Variants in RBFOX1 observed in about 807,000 individuals in gnomAD.
RBFOX1 encodes the protein RNA binding protein fox-1 homolog 1.
RBFOX1 carries 8 observed loss-of-function variants against 57.7 expected under a neutral mutation model. That is an observed-to-expected ratio of 0.14 (90% CI 0.08 to 0.25). RBFOX1 has a LOEUF of 0.25. Ranked by LOEUF, RBFOX1 falls within the 10% of genes least tolerant of loss-of-function variation. RBFOX1 has a pLI of 1.00. For missense variants in RBFOX1, 611 were observed against 548.5 expected, an observed-to-expected ratio of 1.11 and a Z score of -1.14; for synonymous variants, 326 against 222.4, an observed-to-expected ratio of 1.47 and a Z score of -4.15.
At chr16:6,898,525 C>G (rs568851932) in intron 3 of RBFOX1, among the ~76,000 whole-genome samples, 1 of 152,262 alleles carries the variant, frequency 6.6e-6, no homozygotes, top group Non-Finnish European at 1.5e-5. Flanking sequence ...AAACAAAGTA[C>G]AGACGCAAAG....
At position 6,465,831 on chromosome 16, in the gene RBFOX1, T is replaced by C. The variant is rs565128949; in HGVS notation, c.-64+148774T>C. ...CTGTTGATTTAGGCTACAGTTTACT[T>C]TAAGTCACTGTTACATCAATGAAAA... On this transcript the variant is annotated intron_variant, in intron 2 of 15. Coordinates refer to ENST00000550418, the MANE Select transcript of RBFOX1 (RefSeq NM_018723.4). Among the ~76,000 whole-genome samples, 9 of 150,778 alleles carry C rather than the reference T, an allele frequency of 6.0e-5. No homozygotes were observed. The South Asian group carries it at 1.7e-3, about 28-fold the overall frequency.
At chr16:6,415,761 T>C (rs2093608003) in intron 2 of RBFOX1, among the ~76,000 whole-genome samples, 1 of 152,116 alleles carries the variant, frequency 6.6e-6, no homozygotes, top group East Asian at 1.9e-4. Context: ...CTCCAATATG[T>C]AACCCCCACA....
At chr16:5,541,546 C>G (rs2044952860) in intron 2 of RBFOX1, among the ~76,000 whole-genome samples, 1 of 152,116 alleles carries the variant, frequency 6.6e-6, no homozygotes, top group Non-Finnish European at 1.5e-5. Context: ...GTTGCATTCT[C>G]TTGAGTTTCT....
rs574545269 is a variant in RBFOX1 at position 7,284,945 on chromosome 16, C to G, written c.27+232847C>G. On this transcript the variant is annotated intron_variant, in intron 4 of 15. Transcript: ENST00000550418. ...CCACACACTGTTTCCTTTTCTGGAA[C>G]ATTTTCCCACCCACCTTTCTCCTCG... 4.5e-4 allele frequency among the ~76,000 whole-genome samples: 68 copies of G among 152,180 alleles called. 1 individual carries two copies. Among genetic ancestry groups the G allele is most frequent in the Middle Eastern group, 6.8e-3 (2 of 294 alleles).
At chr16:7,149,369 A>C (rs2075677884) in intron 4 of RBFOX1, among the ~76,000 whole-genome samples, 1 of 151,950 alleles carries the variant, frequency 6.6e-6, no homozygotes, top group African/African-American at 2.4e-5. Context: ...ATAAAAGTAC[A>C]TCCATTGATC....
intron 4 of RBFOX1, among the ~76,000 whole-genome samples, chr16:6,006,077 G>C (rs913351319): frequency 6.6e-6 from 1 of 152,166 alleles, no homozygotes; most frequent in East Asian, 1.9e-4. Context: ...GAGGCAATGA[G>C]GTTATTCATT....
intron 4 of RBFOX1, among the ~76,000 whole-genome samples, chr16:7,095,470 A>G (rs114029680): frequency 0.018 from 2,787 of 152,344 alleles, 38 homozygotes; most frequent in African/African-American, 0.035. Flanking sequence ...ACTCATGACA[A>G]AATGAAAACA....
At chr16:5,272,698 C>T (rs1402063839) in intron 1 of RBFOX1, among the ~76,000 whole-genome samples, 1 of 152,182 alleles carries the variant, frequency 6.6e-6, no homozygotes, top group Non-Finnish European at 1.5e-5. Flanking sequence ...TCCCATGATC[C>T]TTGCTTGGTG....
At chr16:6,983,131 G>T (rs900830529) in intron 3 of RBFOX1, among the ~76,000 whole-genome samples, 2 of 151,720 alleles carry the variant, frequency 1.3e-5, no homozygotes, top group African/African-American at 4.8e-5. Context: ...AAAACTCTTA[G>T]CTGTTCCATT....
rs187086025 is a variant in RBFOX1, at chr16:6,935,291, G to C, written c.-15-116766G>C. On this transcript the variant is annotated intron_variant, in intron 3 of 15. Transcript: ENST00000550418. ...CATGTAGCAGATGTTCAGAGTGGTA[G>C]TTTCAGACGATCTCTCCAAGTCTTT... Among the ~76,000 whole-genome samples the C allele has an allele frequency of 2.8e-3, 419 of 152,262 alleles. 6 individuals are homozygous for C. The highest frequency in any genetic ancestry group is 9.9e-3 in the African/African-American group (411 of 41,540).
At chr16:7,546,253 G>T (rs2084489682) in intron 5 of RBFOX1, among the ~76,000 whole-genome samples, 1 of 152,030 alleles carries the variant, frequency 6.6e-6, no homozygotes, top group African/African-American at 2.4e-5. Context: ...TTTGAACCCG[G>T]AGGGTGGAGG....
intron 1 of RBFOX1, among the ~76,000 whole-genome samples, chr16:6,073,555 C>A (rs1597019741): frequency 1.3e-5 from 2 of 152,124 alleles, no homozygotes; most frequent in Non-Finnish European, 2.9e-5. Context: ...GAAGCATTTC[C>A]CCCGTGTTTG....
In RBFOX1 at chr16:5,548,172, AAAATATATATATATAT is replaced by A. The variant is rs1418558845; in HGVS notation, c.259-50728_259-50713del. Among the ~76,000 whole-genome samples the A allele has an allele frequency of 3.6e-3, 103 of 28,282 alleles. 4 individuals carry two copies. Among genetic ancestry groups the A allele is most frequent in the Admixed American group, 0.021 (33 of 1,544 alleles). The allele number at this position is 28,282 out of a possible 152,430, so 18.6% of individuals were successfully genotyped here. The stretch of plus-strand genomic sequence containing the variant: ...CAAGACTCTGTTAAAAAAAAAAAAA[AAAATATATATATATAT>A]ATATATATATATATATAGACATTGG... On this transcript the variant is annotated intron_variant, in intron 2 of 2. Coordinates refer to the RBFOX1 transcript ENST00000585867.
At chr16:7,463,091 A>C (rs1319674072) in intron 4 of RBFOX1, among the ~76,000 whole-genome samples, 1 of 152,218 alleles carries the variant, frequency 6.6e-6, no homozygotes. Flanking sequence ...GGCAAGTCCA[A>C]GATCAGGGTA....
chr16:5,713,381 C>G (rs1361888948), intron 3 of RBFOX1, among the ~76,000 whole-genome samples: 4 of 152,158 alleles, frequency 2.6e-5, no homozygotes, highest in Non-Finnish European at 5.9e-5. Flanking sequence ...AAGAGCTCTT[C>G]TTGCCATTTG....
chr16:7,210,932 A>T (rs529135907), intron 4 of RBFOX1, among the ~76,000 whole-genome samples: 11 of 152,216 alleles, frequency 7.2e-5, no homozygotes, highest in African/African-American at 2.6e-4. Flanking sequence ...AAATTTCAAG[A>T]ATATAAAAAT....
intron 3 of RBFOX1, among the ~76,000 whole-genome samples, chr16:6,686,099 C>A (rs8058374): frequency 0.99 from 150,853 of 152,294 alleles, 74,733 homozygotes; most frequent in Middle Eastern, 1. Flanking sequence ...TATTTCATTT[C>A]AACCGTGCAG....
chr16:6,974,480 G>C (rs56198140), intron 3 of RBFOX1, among the ~76,000 whole-genome samples: 2 of 151,554 alleles, frequency 1.3e-5, no homozygotes, highest in African/African-American at 2.4e-5. Context: ...AAGTAGCTGA[G>C]ATAACAGGTG....
intron 2 of RBFOX1, among the ~76,000 whole-genome samples, chr16:6,538,727 C>A (rs1201357314): frequency 6.6e-6 from 1 of 152,172 alleles, no homozygotes. Flanking sequence ...CTTTTGACGA[C>A]TGAATGTGTT....
Sources: gnomAD v4.1 joint callset for allele counts (sites outside exome capture counted in the v4.1 genomes callset) on GRCh38, gnomAD v4.1.1 for gene constraint, MANE v1.5 for transcripts, NCBI Gene and HGNC (gene_info 2026-07-23, HGNC 2026-07-21) for gene names.